The following SCD5 variants were observed in gnomAD, a reference collection of about 807,000 sequenced individuals.
SCD5 encodes acyl-CoA-desaturase 4.
In SCD5, 20 loss-of-function variants were observed where a neutral mutation model predicts 30.4. That is an observed-to-expected ratio of 0.66 (90% confidence interval 0.46 to 0.96). SCD5 has a LOEUF of 0.96. Ranked by LOEUF, SCD5 falls within the 40% of genes least tolerant of loss-of-function variation. SCD5 has a pLI of 0.00. For synonymous variants in SCD5, 173 were observed against 176.4 expected, an observed-to-expected ratio of 0.98 and a Z score of 0.16; for missense variants, 381 against 443.3, an observed-to-expected ratio of 0.86 and a Z score of 1.26.
intron 4 of SCD5, among the ~76,000 whole-genome samples, chr4:82,633,422 T>G (rs547622256): frequency 6.6e-6 from 1 of 152,348 alleles, no homozygotes; most frequent in African/African-American, 2.4e-5. Context: ...TTGGCTACTG[T>G]GAATAATCCT....
rs1380829090 is a variant in SCD5 at position 82,653,711 on chromosome 4, G to GATAGATAGAT, written c.570-16898_570-16889dup. The stretch of plus-strand genomic sequence containing the variant: ...ATAGATAGATAGATAGATAGATATA[G>GATAGATAGAT]ATAGATAGATAGATATAGATAGATA... On this transcript the variant is annotated intron_variant, in intron 3 of 4. Transcript: ENST00000319540. Among the ~76,000 whole-genome samples, 622 of 147,488 alleles carry GATAGATAGAT rather than the reference G, an allele frequency of 4.2e-3. 2 individuals carry two copies. Among genetic ancestry groups the GATAGATAGAT allele is most frequent in the Middle Eastern group, 0.018 (5 of 276 alleles).
chr4:82,769,582 T>C (rs1008792101), intron 1 of SCD5, among the ~76,000 whole-genome samples: 17 of 152,204 alleles, frequency 1.1e-4, no homozygotes, highest in Non-Finnish European at 4.4e-5. Flanking sequence ...TGCATTTTTT[T>C]CTTTTTTGGT....
chr4:82,712,842 A>C (rs1242896714), intron 1 of SCD5, among the ~76,000 whole-genome samples: 1 of 152,236 alleles, frequency 6.6e-6, no homozygotes. Flanking sequence ...CCTCAGTTAA[A>C]TCTTACATCT....
chr4:82,653,707 T>TAGATAGACAGATAGATATAG, intron 3 of SCD5, among the ~76,000 whole-genome samples: 1 of 61,654 alleles, frequency 1.6e-5, no homozygotes, highest in African/African-American at 6.4e-5. Context: ...GATAGATAGA[T>TAGATAGACAGATAGATATAG]ATAGATAGAT....
At chr4:82,668,257 TAGACAAGAGGG>T (rs1266460018) in intron 3 of SCD5, among the ~76,000 whole-genome samples, 1 of 151,516 alleles carries the variant, frequency 6.6e-6, no homozygotes, top group East Asian at 1.9e-4. Flanking sequence ...AAGAGGCAAA[TAGACAAGAGGG>T]AGTGAACCGA....
intron 4 of SCD5, among the ~76,000 whole-genome samples, chr4:82,633,561 T>C (rs555640408): frequency 6.6e-6 from 1 of 152,366 alleles, no homozygotes; most frequent in East Asian, 1.9e-4. Context: ...ACCTCCATAC[T>C]GTTTTCCATA....
In SCD5 at chr4:82,654,489, T is replaced by C. The variant is rs553117428; in HGVS notation, c.570-17666A>G. Among the ~76,000 whole-genome samples, 3 of 152,360 alleles carry C rather than the reference T, an allele frequency of 2.0e-5. No individual in the cohort carries two copies. The East Asian group carries it at 5.8e-4, about 29-fold the overall frequency. ...AGATATCTTTCCCCAGGAAGGGAGC[T>C]AGCCTATGCTTTACTTTAAATAAAA... On this transcript the variant is annotated intron_variant, in intron 3 of 4. Coordinates refer to ENST00000319540, the MANE Select transcript of SCD5 (RefSeq NM_001037582.3).
Position 82,635,395 on chromosome 4 carries a change from G to A in SCD5, c.802+1196C>T, listed in dbSNP as rs550823661. ...AGCACTTTGGGAGGCCGAGGCAGGCGGATCATGAGGTCAGGAGATCGAAAC... is the reference window on the plus strand; with the variant it reads ...AGCACTTTGGGAGGCCGAGGCAGGCAGATCATGAGGTCAGGAGATCGAAAC... On this transcript the variant is annotated intron_variant, in intron 4 of 4. Transcript: ENST00000319540. 2.0e-3 allele frequency among the ~76,000 whole-genome samples: 297 copies of A among 152,112 alleles called. 1 individual carries two copies. Among genetic ancestry groups the A allele is most frequent in the Non-Finnish European group, 3.5e-3 (238 of 67,984 alleles).
intron 1 of SCD5, among the ~76,000 whole-genome samples, chr4:82,794,689 G>A (rs544500385): frequency 2.5e-4 from 36 of 146,662 alleles, no homozygotes; most frequent in African/African-American, 7.6e-4. Context: ...TCACTCTGTC[G>A]CCTAGGCTGG....
rs183634541 is a variant in SCD5, at chr4:82,774,738, C to T, written c.232+23568G>A. Among the ~76,000 whole-genome samples the T allele has an allele frequency of 7.2e-5, 11 of 152,234 alleles. No homozygotes were observed. In the East Asian group the frequency reaches 1.9e-3, roughly 27 times the overall value. On this transcript the variant is annotated intron_variant, in intron 1 of 4. Transcript: ENST00000319540. ...CCTGAAGAAAACTGTTACATAGACC[C>T]AGTCTCTTGGTTCTGTTTCTCTCCC...
intron 1 of SCD5, among the ~76,000 whole-genome samples, chr4:82,783,454 T>C (rs1721922060): frequency 6.6e-6 from 1 of 152,120 alleles, no homozygotes; most frequent in African/African-American, 2.4e-5. Flanking sequence ...CACTGTGCAG[T>C]AGAGAATATC....
chr4:82,735,672 C>A (rs1452480250), intron 1 of SCD5, among the ~76,000 whole-genome samples: 1 of 152,220 alleles, frequency 6.6e-6, no homozygotes, highest in East Asian at 1.9e-4. Flanking sequence ...TGACTGCTGT[C>A]ACTCACCGAT....
intron 1 of SCD5, among the ~76,000 whole-genome samples, chr4:82,773,827 G>C (rs906647057): frequency 1.3e-5 from 2 of 152,138 alleles, no homozygotes; most frequent in African/African-American, 4.8e-5. Context: ...GGCCGGGCGT[G>C]GTGGCTCATC....
At chr4:82,788,666 C>T (rs1347242213) in intron 1 of SCD5, among the ~76,000 whole-genome samples, 1 of 152,204 alleles carries the variant, frequency 6.6e-6, no homozygotes, top group African/African-American at 2.4e-5. Flanking sequence ...GGTGGGGTTA[C>T]AGGCATGAGC....
At chr4:82,681,503 G>C (rs1466679182) in intron 2 of SCD5, among the ~76,000 whole-genome samples, 2 of 152,108 alleles carry the variant, frequency 1.3e-5, no homozygotes, top group Admixed American at 6.5e-5. Context: ...GGATGGAGCT[G>C]GGGGTCATTA....
chr4:82,730,120 T>C (rs1446862461), intron 1 of SCD5, among the ~76,000 whole-genome samples: 2 of 151,692 alleles, frequency 1.3e-5, no homozygotes, highest in African/African-American at 4.8e-5. Context: ...CTCTTGCTAA[T>C]CTGTCTTTTG....
chr4:82,736,788 G>T (rs1202381313), intron 1 of SCD5, among the ~76,000 whole-genome samples: 1 of 151,672 alleles, frequency 6.6e-6, no homozygotes, highest in African/African-American at 2.4e-5. Context: ...TTAACCTCCT[G>T]AGTAGCTGGA....
At chr4:82,632,186 TC>T (rs1560519086) in intron 4 of SCD5, among the ~76,000 whole-genome samples, 1 of 61,012 alleles carries the variant, frequency 1.6e-5, no homozygotes, top group Non-Finnish European at 3.6e-5. Context: ...CCCTCCCCCC[TC>T]CCCCCACCCC....
chr4:82,712,538 G>A (rs377594617), intron 1 of SCD5, among the ~76,000 whole-genome samples: 25 of 150,934 alleles, frequency 1.7e-4, no homozygotes, highest in East Asian at 5.9e-4. Flanking sequence ...GGCTAGTCTC[G>A]AACTTCTGAC....
Sources: gnomAD v4.1 joint callset for allele counts (sites outside exome capture counted in the v4.1 genomes callset) on GRCh38, gnomAD v4.1.1 for gene constraint, MANE v1.5 for transcripts, NCBI Gene and HGNC (gene_info 2026-07-23, HGNC 2026-07-21) for gene names.